Variants in LZTS1 observed in about 807,000 individuals in gnomAD.
The protein encoded by LZTS1 is leucine zipper tumor suppressor 1.
Under a neutral mutation model 45.8 loss-of-function variants are expected in LZTS1, and 31 were observed. The observed-to-expected ratio is 0.68, with a 90% CI of 0.51 to 0.91. The LOEUF (loss-of-function observed/expected upper bound fraction) is 0.91, where lower values mean the gene tolerates loss of function less well. Among genes scored for constraint, LZTS1 ranks in the 40% least tolerant of loss-of-function variants. The pLI, the probability that LZTS1 is intolerant of heterozygous loss-of-function variation, is 0.00. For synonymous variants in LZTS1, 359 were observed against 357.3 expected, an observed-to-expected ratio of 1.00 and a Z score of -0.05; for missense variants, 821 against 788.9, an observed-to-expected ratio of 1.04 and a Z score of -0.49.
chr8:20,289,490 C>T (rs550138104), intron 1 of LZTS1, among the ~76,000 whole-genome samples: 33 of 152,316 alleles, frequency 2.2e-4, no homozygotes, highest in African/African-American at 4.1e-4. Flanking sequence ...AATTAAACCA[C>T]ATCCACAATT....
At chr8:20,283,441 C>A (rs1256733054) in intron 1 of LZTS1, among the ~76,000 whole-genome samples, 1 of 152,170 alleles carries the variant, frequency 6.6e-6, no homozygotes, top group Admixed American at 6.5e-5. Context: ...TGATCTTGGA[C>A]TTCTCAGCCT....
At position 20,297,919 on chromosome 8, in the gene LZTS1, C is replaced by T. The variant is rs79105670; in HGVS notation, c.-135+5821G>A. ...GCATATTAAACACTTGCCAACAATT[C>T]GATGAGCCTAAATCCATTTAATTGG... On this transcript the variant is annotated intron_variant, in intron 1 of 3. Transcript: ENST00000381569. Among the ~76,000 whole-genome samples, 988 of 152,220 alleles carry T rather than the reference C, an allele frequency of 6.5e-3. 12 individuals are homozygous for T. The highest frequency in any genetic ancestry group is 0.023 in the African/African-American group (936 of 41,544).
At chr8:20,252,044 A>C (rs1799934618) in intron 3 of LZTS1, among the ~76,000 whole-genome samples, 1 of 152,114 alleles carries the variant, frequency 6.6e-6, no homozygotes, top group South Asian at 2.1e-4. Context: ...CGAGCATGTA[A>C]AGAGCCTCAA....
chr8:20,301,600 A>T (rs1801077908), intron 1 of LZTS1, among the ~76,000 whole-genome samples: 1 of 152,194 alleles, frequency 6.6e-6, no homozygotes, highest in Non-Finnish European at 1.5e-5. Context: ...AAAGGCATAT[A>T]AATAAGTTTT....
intron 1 of LZTS1, among the ~76,000 whole-genome samples, chr8:20,298,062 G>GT (rs1162685089): frequency 1.3e-5 from 2 of 151,234 alleles, no homozygotes; most frequent in African/African-American, 2.4e-5. Flanking sequence ...CTTTTTTTTT[G>GT]TTTTTTATTT....
intron 3 of LZTS1, among the ~76,000 whole-genome samples, chr8:20,251,140 T>TATATATATATAA (rs1563850986): frequency 2.4e-4 from 21 of 86,430 alleles, no homozygotes; most frequent in African/African-American, 8.9e-4. Context: ...TATATATATA[T>TATATATATATAA]ATATATATAA....
intron 1 of LZTS1, among the ~76,000 whole-genome samples, chr8:20,274,921 C>T (rs376345590): frequency 2.0e-5 from 3 of 149,160 alleles, no homozygotes; most frequent in East Asian, 1.9e-4. Flanking sequence ...CTCCTTGGAG[C>T]GCTGTGATCA....
intron 1 of LZTS1, among the ~76,000 whole-genome samples, chr8:20,292,637 T>C (rs1800918669): frequency 6.6e-6 from 1 of 152,096 alleles, no homozygotes; most frequent in Admixed American, 6.5e-5. Context: ...AGGGGCCCCT[T>C]TGATTGGGGT....
chr8:20,290,968 C>T (rs1387985087), intron 1 of LZTS1, among the ~76,000 whole-genome samples: 4 of 152,188 alleles, frequency 2.6e-5, no homozygotes, highest in Non-Finnish European at 5.9e-5. Context: ...GACAGAAGCC[C>T]AGCTGACTTG....
At chr8:20,297,817 A>G (rs1801003037) in intron 1 of LZTS1, among the ~76,000 whole-genome samples, 1 of 152,184 alleles carries the variant, frequency 6.6e-6, no homozygotes, top group Non-Finnish European at 1.5e-5. Context: ...GGAAGATTCG[A>G]ATGCCCTCAT....
At chr8:20,297,869 A>G (rs1313149910) in intron 1 of LZTS1, among the ~76,000 whole-genome samples, 1 of 152,182 alleles carries the variant, frequency 6.6e-6, no homozygotes, top group African/African-American at 2.4e-5. Flanking sequence ...CTGCATTCTT[A>G]TAATTTTAAA....
chr8:20,301,115 C>T (rs1464243508), intron 1 of LZTS1, among the ~76,000 whole-genome samples: 1 of 87,374 alleles, frequency 1.1e-5, no homozygotes, highest in Admixed American at 1.3e-4. Context: ...AGCAAGACTC[C>T]GTCTCAAAAA....
chr8:20,279,681 C>CAAAAAA (rs34501896), intron 1 of LZTS1, among the ~76,000 whole-genome samples: 13 of 70,898 alleles, frequency 1.8e-4, no homozygotes, highest in East Asian at 4.2e-4. Flanking sequence ...GACCCTGTCT[C>CAAAAAA]AAAAAAAAAA....
chr8:20,254,304 TC>T (rs1800030668), intron 2 of LZTS1, among the ~76,000 whole-genome samples: 2 of 152,178 alleles, frequency 1.3e-5, no homozygotes, highest in African/African-American at 4.8e-5. Context: ...TGCCCTAATC[TC>T]TGGTAAATGG....
chr8:20,261,973 G>C (rs796646163), intron 1 of LZTS1, among the ~76,000 whole-genome samples: 1 of 151,710 alleles, frequency 6.6e-6, no homozygotes, highest in Non-Finnish European at 1.5e-5. Context: ...CCCCCTCTCC[G>C]TCCCACACCT....
chr8:20,290,708 C>T (rs1209233880), intron 1 of LZTS1, among the ~76,000 whole-genome samples: 1 of 152,212 alleles, frequency 6.6e-6, no homozygotes, highest in African/African-American at 2.4e-5. Context: ...ATAAACTGAA[C>T]TAAGAGAGAA....
At position 20,249,380 on chromosome 8, in the gene LZTS1, C is replaced by G; in HGVS notation, c.*342G>C. The G allele has an allele frequency of 3.9e-6, 1 of 255,100 alleles. No individual in the cohort carries two copies. Among genetic ancestry groups the G allele is most frequent in the Non-Finnish European group, 7.5e-6 (1 of 132,682 alleles). 15.8% of individuals were successfully genotyped at this position (255,100 alleles called of 1,614,324 possible). The stretch of plus-strand genomic sequence containing the variant: ...TGAGAAGCAGAGGGGAGCCGCTGTA[C>G]TTGCTGTGGCCACCTTCCCTGGAGG... On this transcript the variant is annotated 3_prime_UTR_variant, in exon 4 of 4. Coordinates refer to ENST00000381569, the MANE Select transcript of LZTS1 (RefSeq NM_021020.5).
At position 20,249,904 on chromosome 8, in the gene LZTS1, CCTT is replaced by C. The variant is rs760801369; in HGVS notation, c.1606_1608del (p.Lys536del). On this transcript the variant is annotated inframe_deletion, in exon 4 of 4. Transcript: ENST00000381569. ...TGTTTCTGGTACTGAATCACCTTCT[CCTT>C]CTCCTCCTTCCACACGAGCCGCTCA... The C allele has an allele frequency of 1.9e-6, 3 of 1,614,198 alleles. No individual in the cohort carries two copies. Among genetic ancestry groups the C allele is most frequent in the South Asian group, 1.1e-5 (1 of 91,088 alleles).
chr8:20,256,813 T>A (rs1800114486), intron 1 of LZTS1, among the ~76,000 whole-genome samples: 1 of 152,140 alleles, frequency 6.6e-6, no homozygotes, highest in Non-Finnish European at 1.5e-5. Flanking sequence ...AGTGGGCAGC[T>A]GCTGGGAGCT....
Sources: allele counts gnomAD v4.1 joint callset (sites outside exome capture counted in the v4.1 genomes callset), GRCh38; gene constraint gnomAD v4.1.1; transcripts MANE v1.5; gene names NCBI Gene and HGNC (gene_info 2026-07-23, HGNC 2026-07-21).